Variants in ASIC2 observed in about 807,000 individuals in gnomAD.
ASIC2 encodes acid-sensing ion channel 2.
A neutral mutation model predicts 57.3 loss-of-function variants in ASIC2; 25 were observed. The ratio of observed to expected loss-of-function variants is 0.44; its 90% CI spans 0.32 to 0.61. The LOEUF (loss-of-function observed/expected upper bound fraction) is 0.61. Among genes scored for constraint, ASIC2 ranks in the 20% least tolerant of loss-of-function variants. ASIC2 has a pLI of 0.06. For missense variants in ASIC2, 641 were observed against 738.1 expected (o/e 0.87, Z 1.52); for synonymous variants, 319 against 307.5 (o/e 1.04, Z -0.39).
intron 1 of ASIC2, among the ~76,000 whole-genome samples, chr17:33,628,587 C>T (rs1186174298): frequency 6.6e-6 from 1 of 152,144 alleles, no homozygotes; most frequent in Non-Finnish European, 1.5e-5. Context: ...TGAGCCGCCT[C>T]GCCAACCCTA....
intron 1 of ASIC2, among the ~76,000 whole-genome samples, chr17:33,131,333 G>A (rs1392477374): frequency 1.3e-5 from 2 of 152,186 alleles, no homozygotes; most frequent in African/African-American, 4.8e-5. Flanking sequence ...ATTTTTAGGA[G>A]TAATTGCTGG....
intron 1 of ASIC2, among the ~76,000 whole-genome samples, chr17:33,980,550 G>C (rs943587119): frequency 1.1e-4 from 17 of 152,202 alleles, no homozygotes; most frequent in African/African-American, 4.1e-4. Flanking sequence ...CTGGGAACTT[G>C]GGTAGGTTGA....
intron 1 of ASIC2, among the ~76,000 whole-genome samples, chr17:33,592,209 A>G (rs1226452249): frequency 6.6e-6 from 1 of 152,136 alleles, no homozygotes; most frequent in Non-Finnish European, 1.5e-5. Flanking sequence ...CACTTGCATT[A>G]TCTGTTCCAT....
chr17:34,107,401 T>C (rs1458450512), intron 1 of ASIC2, among the ~76,000 whole-genome samples: 1 of 152,118 alleles, frequency 6.6e-6, no homozygotes, highest in Non-Finnish European at 1.5e-5. Flanking sequence ...CCCAGCTACT[T>C]GGGTTGCTGA....
At chr17:33,807,950 A>G (rs911780747) in intron 1 of ASIC2, among the ~76,000 whole-genome samples, 1 of 152,216 alleles carries the variant, frequency 6.6e-6, no homozygotes, top group African/African-American at 2.4e-5. Context: ...TATCAGACAC[A>G]TCTTTTGCAA....
chr17:33,482,254 T>G (rs555828823), intron 1 of ASIC2, among the ~76,000 whole-genome samples: 1 of 152,370 alleles, frequency 6.6e-6, no homozygotes, highest in East Asian at 1.9e-4. Flanking sequence ...TCTCAGCCAT[T>G]GTACACTCTG....
At chr17:33,034,943 G>T (rs2091902799) in intron 3 of ASIC2, among the ~76,000 whole-genome samples, 1 of 152,140 alleles carries the variant, frequency 6.6e-6, no homozygotes, top group African/African-American at 2.4e-5. Flanking sequence ...TCCTTTCAGG[G>T]ATACCACTTA....
intron 1 of ASIC2, among the ~76,000 whole-genome samples, chr17:33,200,148 C>G (rs570379189): frequency 6.6e-6 from 1 of 152,176 alleles, no homozygotes; most frequent in African/African-American, 2.4e-5. Flanking sequence ...TTTCTCTAAC[C>G]CCCGAGCTTC....
At chr17:34,070,418 G>T (rs1392262142) in intron 1 of ASIC2, 1 of 152,130 alleles carries the variant, frequency 6.6e-6, no homozygotes, top group Non-Finnish European at 1.5e-5. Flanking sequence ...GCCACAGGTA[G>T]CTCATGGTAC....
chr17:34,081,663 A>G (rs1467717109), intron 1 of ASIC2, among the ~76,000 whole-genome samples: 1 of 152,180 alleles, frequency 6.6e-6, no homozygotes. Flanking sequence ...CTCTGCACAG[A>G]ATTTCACAAA....
chr17:33,658,919 C>T (rs1597824363), intron 1 of ASIC2, among the ~76,000 whole-genome samples: 1 of 152,168 alleles, frequency 6.6e-6, no homozygotes, highest in African/African-American at 2.4e-5. Context: ...AAGAGAATTG[C>T]TTGAACCTGG....
intron 1 of ASIC2, among the ~76,000 whole-genome samples, chr17:33,475,714 C>T (rs1012882798): frequency 2.0e-5 from 3 of 152,166 alleles, no homozygotes; most frequent in East Asian, 3.9e-4. Context: ...AGTGTAACAG[C>T]GTGGCTGCTC....
intron 1 of ASIC2, among the ~76,000 whole-genome samples, chr17:33,389,779 T>C (rs1009671015): frequency 1.1e-4 from 17 of 152,206 alleles, no homozygotes; most frequent in Admixed American, 6.5e-5. Context: ...AATCCTGAGA[T>C]ACTTGGGAAA....
intron 1 of ASIC2, among the ~76,000 whole-genome samples, chr17:33,159,027 G>C (rs1905089333): frequency 6.6e-6 from 1 of 152,232 alleles, no homozygotes; most frequent in Admixed American, 6.5e-5. Flanking sequence ...GAGAGTTTGA[G>C]TTAGTGACTG....
In ASIC2 at chr17:34,026,420, A is replaced by G. The variant is rs569551622; in HGVS notation, c.555+129558T>C. Among the ~76,000 whole-genome samples the G allele has an allele frequency of 3.9e-5, 6 of 152,262 alleles. No homozygotes were observed. The South Asian group carries it at 1.0e-3, about 26-fold the overall frequency. ...TGATCCGTGCTCTGCCTTGGAAATG[A>G]TGGAGGAGAAACAGCTCTCCCAAAC... On this transcript the variant is annotated intron_variant, in intron 1 of 9. Coordinates refer to the ASIC2 transcript ENST00000359872.
At chr17:33,360,935 C>T (rs1216491217) in intron 1 of ASIC2, among the ~76,000 whole-genome samples, 1 of 152,220 alleles carries the variant, frequency 6.6e-6, no homozygotes, top group Non-Finnish European at 1.5e-5. Flanking sequence ...CCCTTAATCT[C>T]AGCATTGTTC....
At chr17:33,432,372 T>C (rs1387028590) in intron 1 of ASIC2, among the ~76,000 whole-genome samples, 2 of 152,140 alleles carry the variant, frequency 1.3e-5, no homozygotes, top group East Asian at 3.9e-4. Flanking sequence ...AAAAATTGGC[T>C]GGGCATGGTG....
intron 1 of ASIC2, among the ~76,000 whole-genome samples, chr17:34,077,044 A>G (rs1324510546): frequency 6.6e-6 from 1 of 152,248 alleles, no homozygotes; most frequent in Non-Finnish European, 1.5e-5. Flanking sequence ...TAAGGAGGTG[A>G]ACCCCAGAGA....
At chr17:33,262,922 G>C (rs1439448665) in intron 1 of ASIC2, among the ~76,000 whole-genome samples, 7 of 152,164 alleles carry the variant, frequency 4.6e-5, no homozygotes, top group Non-Finnish European at 1.0e-4. Context: ...GTGGAATGAG[G>C]GGTAGACATG....
Sources: gnomAD v4.1 joint callset for allele counts (sites outside exome capture counted in the v4.1 genomes callset) on GRCh38, gnomAD v4.1.1 for gene constraint, MANE v1.5 for transcripts, NCBI Gene and HGNC (gene_info 2026-07-23, HGNC 2026-07-21) for gene names.